Variants in RARB observed in about 807,000 individuals in gnomAD.
RARB encodes retinoic acid receptor beta.
A neutral mutation model predicts 51.9 loss-of-function variants in RARB; 17 were observed. That is an observed-to-expected ratio of 0.33 (90% CI 0.22 to 0.49). The LOEUF is 0.49. Among genes scored for constraint, RARB ranks in the 20% least tolerant of loss-of-function variants. The pLI, the probability that RARB is intolerant of heterozygous loss-of-function variation, is 0.99. For synonymous variants in RARB, 215 were observed against 195.4 expected, an observed-to-expected ratio of 1.10 and a Z score of -0.84; for missense variants, 369 against 550.8, an observed-to-expected ratio of 0.67 and a Z score of 3.30.
chr3:25,000,586 T>G (rs73143080), intron 2 of RARB, among the ~76,000 whole-genome samples: 2,919 of 152,234 alleles, frequency 0.019, 82 homozygotes, highest in African/African-American at 0.066. Context: ...TGACTGTAAT[T>G]TATTCTGTAC....
chr3:25,387,874 GA>G lies in RARB; in HGVS notation c.179-73307del, dbSNP rs762671160. Among the ~76,000 whole-genome samples, 298 of 139,410 alleles carry G rather than the reference GA, an allele frequency of 2.1e-3. 1 individual carries two copies. Among genetic ancestry groups the G allele is most frequent in the Middle Eastern group, 7.4e-3 (2 of 272 alleles). The allele number at this position is 139,410 out of a possible 152,430, so 91.5% of individuals were successfully genotyped here. A position where few individuals can be genotyped will look rare whatever the true frequency, so the allele number is the denominator to read the frequency against. On this transcript the variant is annotated intron_variant, in intron 5 of 11. Coordinates refer to the RARB transcript ENST00000383772. ...ATCCCAGCTTTATCCTTAGGGAATA[GA>G]AAAAAAAAAAAGAGCATTAAATGTT...
chr3:25,187,038 C>G (rs1700995733), intron 5 of RARB, among the ~76,000 whole-genome samples: 1 of 151,896 alleles, frequency 6.6e-6, no homozygotes, highest in East Asian at 1.9e-4. Context: ...GGGTGCTTCT[C>G]AAAACCAGTT....
intron 5 of RARB, among the ~76,000 whole-genome samples, chr3:25,394,752 T>C (rs1320544923): frequency 6.6e-6 from 1 of 152,196 alleles, no homozygotes; most frequent in African/African-American, 2.4e-5. Flanking sequence ...TTGCCTGGAA[T>C]ATCTTTTTCC....
chr3:25,103,990 A>C (rs1443934859), intron 3 of RARB, among the ~76,000 whole-genome samples: 1 of 152,222 alleles, frequency 6.6e-6, no homozygotes, highest in East Asian at 1.9e-4. Flanking sequence ...ATATTGTGAA[A>C]GTGTGGACAC....
intron 5 of RARB, among the ~76,000 whole-genome samples, chr3:25,188,703 A>G (rs997698597): frequency 2.0e-5 from 3 of 152,170 alleles, no homozygotes; most frequent in African/African-American, 7.2e-5. Context: ...TATAATAATT[A>G]TAACTACCAT....
At chr3:25,442,462 T>C (rs1316724100) in intron 1 of RARB, among the ~76,000 whole-genome samples, 2 of 152,332 alleles carry the variant, frequency 1.3e-5, no homozygotes, top group East Asian at 3.9e-4. Flanking sequence ...TTAATTTAAC[T>C]TTCAATAGCC....
intron 2 of RARB, among the ~76,000 whole-genome samples, chr3:25,466,804 G>C (rs568565928): frequency 6.6e-6 from 1 of 152,318 alleles, no homozygotes; most frequent in East Asian, 1.9e-4. Context: ...TAGCATGAAA[G>C]GTGCTGTAGA....
At chr3:25,251,193 C>T (rs568234353) in intron 5 of RARB, among the ~76,000 whole-genome samples, 1 of 152,126 alleles carries the variant, frequency 6.6e-6, no homozygotes, top group East Asian at 1.9e-4. Context: ...CATATTGTAG[C>T]ATGCATTACT....
intron 2 of RARB, among the ~76,000 whole-genome samples, chr3:24,953,680 G>A (rs1695947830): frequency 6.6e-6 from 1 of 152,172 alleles, no homozygotes; most frequent in Admixed American, 6.5e-5. Context: ...AGGCCTTTGT[G>A]CCTAGGAAAT....
At chr3:25,435,807 T>C (rs2125521789) in intron 1 of RARB, among the ~76,000 whole-genome samples, 1 of 152,332 alleles carries the variant, frequency 6.6e-6, no homozygotes, top group East Asian at 1.9e-4. Flanking sequence ...TGATTTCACA[T>C]AGTGCACTGG....
At chr3:25,521,494 G>GA (rs1361777957) in intron 3 of RARB, among the ~76,000 whole-genome samples, 2 of 152,124 alleles carry the variant, frequency 1.3e-5, no homozygotes, top group Non-Finnish European at 2.9e-5. Flanking sequence ...TATTCTGGGG[G>GA]AAAAAATAAG....
At chr3:24,930,327 CG>C (rs5847327) in intron 2 of RARB, among the ~76,000 whole-genome samples, 5,374 of 152,052 alleles carry the variant, frequency 0.035, 193 homozygotes, top group East Asian at 0.18. Context: ...CATCCAGGGG[CG>C]TAAGCTTTAC....
At chr3:25,533,935 T>C (rs1282679876) in intron 3 of RARB, among the ~76,000 whole-genome samples, 1 of 152,226 alleles carries the variant, frequency 6.6e-6, no homozygotes, top group Non-Finnish European at 1.5e-5. Flanking sequence ...GACTCATTCC[T>C]GTTGAAACTT....
At chr3:25,521,917 C>T (rs1698417139) in intron 3 of RARB, among the ~76,000 whole-genome samples, 1 of 151,998 alleles carries the variant, frequency 6.6e-6, no homozygotes, top group Admixed American at 6.6e-5. Context: ...TGCTCTGCTC[C>T]AAATACAGTA....
chr3:25,448,283 A>C (rs1469476616), intron 1 of RARB, among the ~76,000 whole-genome samples: 2 of 152,174 alleles, frequency 1.3e-5, no homozygotes, highest in African/African-American at 4.8e-5. Flanking sequence ...AAGGTTGGTG[A>C]AAATGTCTTT....
chr3:24,968,025 TG>T (rs1439809340), intron 2 of RARB, among the ~76,000 whole-genome samples: 2 of 152,196 alleles, frequency 1.3e-5, no homozygotes, highest in Non-Finnish European at 2.9e-5. Context: ...AATAGCTCTT[TG>T]GAGCTTTGGT....
chr3:25,252,047 A>G (rs567583889), intron 5 of RARB, among the ~76,000 whole-genome samples: 17 of 152,284 alleles, frequency 1.1e-4, no homozygotes, highest in Middle Eastern at 3.4e-3. Flanking sequence ...GATGTGAGAT[A>G]GGGGTCTAAT....
At chr3:25,206,371 C>G (rs768856224) in intron 5 of RARB, among the ~76,000 whole-genome samples, 6 of 152,146 alleles carry the variant, frequency 3.9e-5, no homozygotes, top group Non-Finnish European at 8.8e-5. Context: ...ACCTAAATTA[C>G]TCAGGTGACA....
In RARB at chr3:25,317,720, G is replaced by A. The variant is rs945984351; in HGVS notation, c.178+143145G>A. Among the ~76,000 whole-genome samples the A allele has an allele frequency of 5.9e-5, 9 of 152,050 alleles. 1 individual carries two copies. Among genetic ancestry groups the A allele is most frequent in the Admixed American group, 4.6e-4 (7 of 15,262 alleles). ...TAATATTATCTAAAAGAGATCATTC[G>A]AGAAAATAATTTTCATTAATTGATA... On this transcript the variant is annotated intron_variant, in intron 5 of 11. Transcript: ENST00000383772.
Sources: allele counts gnomAD v4.1 joint callset (sites outside exome capture counted in the v4.1 genomes callset), GRCh38; gene constraint gnomAD v4.1.1; transcripts MANE v1.5; gene names NCBI Gene and HGNC (gene_info 2026-07-23, HGNC 2026-07-21).